Variants in SSPN observed in about 807,000 individuals in gnomAD.
SSPN encodes K-ras oncogene-associated protein.
SSPN carries 15 observed loss-of-function variants against 19.1 expected under a neutral mutation model. The ratio of observed to expected loss-of-function variants is 0.78; its 90% confidence interval spans 0.52 to 1.21. SSPN has a LOEUF of 1.21. SSPN is among the 50% of genes most tolerant of loss of function. The pLI, the probability that SSPN is intolerant of heterozygous loss-of-function variation, is 0.00. For synonymous variants in SSPN, 147 were observed against 140.3 expected (o/e 1.05, Z -0.34); for missense variants, 291 against 314.0 (o/e 0.93, Z 0.55).
Position 26,231,015 on chromosome 12 carries a change from T to G in SSPN, c.671T>G (p.Phe224Cys). The G allele has an allele frequency of 6.2e-7, 1 of 1,614,202 alleles. No homozygotes were observed. The highest frequency in any genetic ancestry group is 8.5e-7 in the Non-Finnish European group (1 of 1,180,044). The change falls in exon 3 of 3, where the codon TTC becomes TGC. Residue 224 changes from phenylalanine (F) to cysteine (C), a missense_variant. Phe to Cys is a radical substitution (Grantham distance 205, BLOSUM62 -2). Coordinates refer to ENST00000242729, the MANE Select transcript of SSPN (RefSeq NM_005086.5). ...ATGTGGAAACATAGGTACCAGGTCTTCTATGTGGGTGTCAGGATATGCTCC... is the reference window on the plus strand; with the variant it reads ...ATGTGGAAACATAGGTACCAGGTCTGCTATGTGGGTGTCAGGATATGCTCC... ...FVMWKHRYQV[F>C]YVGVRICSLT... is the part of the protein sequence containing the mutation.
chr12:26,128,012 T>A (rs1419924148), intron 1 of SSPN, among the ~76,000 whole-genome samples: 1 of 152,234 alleles, frequency 6.6e-6, no homozygotes, highest in Non-Finnish European at 1.5e-5. Flanking sequence ...GATACTATTA[T>A]TGTTTCCATT....
chr12:26,209,320 A>G (rs979519018), intron 1 of SSPN, among the ~76,000 whole-genome samples: 13 of 152,166 alleles, frequency 8.5e-5, no homozygotes, highest in African/African-American at 3.1e-4. Flanking sequence ...ACAGTTCTTG[A>G]ATGCTTGGGA....
intron 1 of SSPN, among the ~76,000 whole-genome samples, chr12:26,208,468 G>A (rs1944951768): frequency 6.6e-6 from 1 of 151,914 alleles, no homozygotes; most frequent in Admixed American, 6.6e-5. Context: ...TATAGGATTT[G>A]TTACTTTTGT....
At chr12:26,133,705 G>A (rs1944409103) in intron 1 of SSPN, among the ~76,000 whole-genome samples, 1 of 152,232 alleles carries the variant, frequency 6.6e-6, no homozygotes, top group Non-Finnish European at 1.5e-5. Flanking sequence ...AGAAGCTACT[G>A]TAAACCTCAC....
chr12:26,208,077 A>G (rs1944948260), intron 1 of SSPN, among the ~76,000 whole-genome samples: 1 of 152,232 alleles, frequency 6.6e-6, no homozygotes, highest in Admixed American at 6.5e-5. Flanking sequence ...TTTGTTTTCA[A>G]AAATGATTTT....
intron 1 of SSPN, among the ~76,000 whole-genome samples, chr12:26,223,173 C>T (rs749083908): frequency 1.3e-5 from 2 of 152,262 alleles, no homozygotes; most frequent in South Asian, 2.1e-4. Flanking sequence ...AAATCCATCC[C>T]GTATCCCCAG....
At chr12:26,139,942 T>C (rs1468680644) in intron 1 of SSPN, among the ~76,000 whole-genome samples, 1 of 152,178 alleles carries the variant, frequency 6.6e-6, no homozygotes, top group African/African-American at 2.4e-5. Flanking sequence ...CCTGTCAAGA[T>C]TTGAGTTTTC....
rs778850539 is a variant in SSPN at position 26,224,251 on chromosome 12, C to T, written c.280-42C>T. On this transcript the variant is annotated intron_variant, in intron 1 of 2. Transcript: ENST00000242729. ...AGACTGATGTCATTTGAACGCACAACGTACCCTGATAACATCCTTTCTTCT... is the reference window on the plus strand; with the variant it reads ...AGACTGATGTCATTTGAACGCACAATGTACCCTGATAACATCCTTTCTTCT... 124 of 1,421,664 alleles carry T rather than the reference C, an allele frequency of 8.7e-5. No individual in the cohort carries two copies. The South Asian group carries it at 1.3e-3, about 15-fold the overall frequency. 88.1% of individuals were successfully genotyped at this position (1,421,664 alleles called of 1,614,324 possible). A position where few individuals can be genotyped will look rare whatever the true frequency, so the allele number is the denominator to read the frequency against.
intron 2 of SSPN, 51 bp from the exon 3 acceptor site, chr12:26,230,660 A>G (rs745416744): frequency 6.5e-7 from 1 of 1,533,450 alleles, no homozygotes; most frequent in Non-Finnish European, 8.8e-7. Flanking sequence ...TTTGCAAATC[A>G]TCATCCAATG....
chr12:26,123,935 C>T (rs1944338070), intron 1 of SSPN: 2 of 766,490 alleles, frequency 2.6e-6, no homozygotes, highest in Non-Finnish European at 4.4e-6. Context: ...CTCCAGTTTG[C>T]GGGAAACTCT....
At chr12:26,191,557 A>G (rs1329776179), upstream of SSPN, among the ~76,000 whole-genome samples, 1 of 152,218 alleles carries the variant, frequency 6.6e-6, no homozygotes, top group African/African-American at 2.4e-5. Flanking sequence ...ACAAACTTGC[A>G]AGCAAAAATT....
rs1320383983 is a variant in SSPN, at chr12:26,195,653, C to T, written c.-20C>T. 7.9e-7 allele frequency: 1 copy of T among 1,266,090 alleles called. No homozygotes were observed. The highest frequency in any genetic ancestry group is 9.9e-7 in the Non-Finnish European group (1 of 1,007,150). 78.4% of individuals were successfully genotyped at this position (1,266,090 alleles called of 1,614,324 possible). ...GGGCGCCGCACACGCACCCACCCAC[C>T]CACCCAGCCTCGCAGCGCCATGGGC... On this transcript the variant is annotated 5_prime_UTR_variant, in exon 1 of 3. Transcript: ENST00000242729.
chr12:26,137,368 C>T (rs990024864), intron 1 of SSPN, among the ~76,000 whole-genome samples: 12 of 151,962 alleles, frequency 7.9e-5, no homozygotes, highest in South Asian at 4.1e-4. Context: ...TTTAGAGAAG[C>T]GAGGCTTCAT....
At chr12:26,151,282 T>C (rs1293337549) in intron 1 of SSPN, among the ~76,000 whole-genome samples, 1 of 152,158 alleles carries the variant, frequency 6.6e-6, no homozygotes, top group Non-Finnish European at 1.5e-5. Flanking sequence ...CTAAATCCTT[T>C]TGGAGAGGCT....
chr12:26,122,583 G>A (rs1372149178), intron 1 of SSPN: 97 of 1,112,550 alleles, frequency 8.7e-5, no homozygotes, highest in Non-Finnish European at 1.0e-4. Flanking sequence ...CGCGGCCGCG[G>A]CGGCAGGGTC....
chr12:26,141,975 A>AC (rs1256504153), intron 1 of SSPN, among the ~76,000 whole-genome samples: 1 of 152,212 alleles, frequency 6.6e-6, no homozygotes, highest in Non-Finnish European at 1.5e-5. Flanking sequence ...CAGAGGAATT[A>AC]CTATTGGGCA....
At chr12:26,194,953 G>C (rs1944812836), upstream of SSPN, among the ~76,000 whole-genome samples, 1 of 152,188 alleles carries the variant, frequency 6.6e-6, no homozygotes, top group Non-Finnish European at 1.5e-5. Context: ...TGGTGACAAT[G>C]CACTCCAGCC....
intron 1 of SSPN, chr12:26,124,842 C>G (rs1258354034): frequency 6.4e-7 from 1 of 1,554,058 alleles, no homozygotes; most frequent in Non-Finnish European, 8.9e-7. Context: ...ATCTGTGGGA[C>G]GGTAGGCTTG....
intron 1 of SSPN, among the ~76,000 whole-genome samples, chr12:26,161,893 G>A (rs1477486203): frequency 1.3e-5 from 2 of 152,216 alleles, no homozygotes; most frequent in African/African-American, 4.8e-5. Context: ...AGAAGTGGGA[G>A]CTCAGGCAGT....
Sources: gnomAD v4.1 joint callset for allele counts (sites outside exome capture counted in the v4.1 genomes callset) on GRCh38, gnomAD v4.1.1 for gene constraint, MANE v1.5 for transcripts, NCBI Gene and HGNC (gene_info 2026-07-23, HGNC 2026-07-21) for gene names.